Variants in C3orf20 observed in about 807,000 individuals in gnomAD.
C3orf20 encodes uncharacterized protein C3orf20.
In C3orf20, 76 loss-of-function variants were observed where a neutral mutation model predicts 88.3. That is an observed-to-expected ratio of 0.86 (90% CI 0.72 to 1.04). The LOEUF (loss-of-function observed/expected upper bound fraction) is 1.04. C3orf20 is among the 50% of genes least tolerant of loss of function. The pLI is 0.00. For missense variants in C3orf20, 1,056 were observed against 1,123.3 expected (o/e 0.94, Z 0.86); for synonymous variants, 436 against 437.4 (o/e 1.00, Z 0.04).
chr3:14,723,774 T>C (rs985964277), intron 10 of C3orf20, among the ~76,000 whole-genome samples: 2 of 146,810 alleles, frequency 1.4e-5, no homozygotes, highest in African/African-American at 5.0e-5. Context: ...TAAAAGGCCA[T>C]TGGTTTTATT....
At chr3:14,707,272 C>T (rs892986317) in intron 7 of C3orf20, among the ~76,000 whole-genome samples, 5 of 117,204 alleles carry the variant, frequency 4.3e-5, no homozygotes, top group East Asian at 5.1e-4. Flanking sequence ...AAAAAAGATA[C>T]GTCTGCACTG....
At chr3:14,676,122 T>C (rs1190637124) in intron 1 of C3orf20, among the ~76,000 whole-genome samples, 1 of 149,286 alleles carries the variant, frequency 6.7e-6, no homozygotes, top group Non-Finnish European at 1.5e-5. Context: ...CCGCCTTTTT[T>C]TTTTTGGTCA....
rs562473512 is a variant in C3orf20 at position 14,732,639 on chromosome 3, G to T, written c.1940+3951G>T. Among the ~76,000 whole-genome samples, 9 of 152,266 alleles carry T rather than the reference G, an allele frequency of 5.9e-5. No individual in the cohort carries two copies. In the South Asian group the frequency reaches 1.9e-3, roughly 32 times the overall value. On this transcript the variant is annotated intron_variant, in intron 12 of 16. Coordinates refer to ENST00000253697, the MANE Select transcript of C3orf20 (RefSeq NM_032137.5). ...ATTTTTTATTATCACGACTAGGGAG[G>T]GGGTGCTACTGCCATCTCGTGAGTT...
At chr3:14,746,815 G>A (rs2035070425) in intron 12 of C3orf20, among the ~76,000 whole-genome samples, 1 of 152,222 alleles carries the variant, frequency 6.6e-6, no homozygotes, top group South Asian at 2.1e-4. Context: ...AAAATGTTGA[G>A]CTAACATTAT....
At chr3:14,712,014 A>C (rs1473549834) in intron 7 of C3orf20, among the ~76,000 whole-genome samples, 1 of 152,022 alleles carries the variant, frequency 6.6e-6, no homozygotes, top group Non-Finnish European at 1.5e-5. Context: ...GTGTCTCTCA[A>C]AATTTGTAAC....
intron 9 of C3orf20, 95 bp downstream of exon 9, chr3:14,715,504 C>T: frequency 1.4e-6 from 2 of 1,426,190 alleles, no homozygotes; most frequent in Non-Finnish European, 1.9e-6. Context: ...ATTAAAAGCC[C>T]AGGGCTACCC....
At chr3:14,758,178 G>C (rs780682124) in intron 13 of C3orf20, among the ~76,000 whole-genome samples, 1 of 152,192 alleles carries the variant, frequency 6.6e-6, no homozygotes, top group Non-Finnish European at 1.5e-5. Flanking sequence ...CAGTGAGGCC[G>C]TGAGAGGACA....
At chr3:14,684,064 G>A (rs1476000098) in intron 3 of C3orf20, among the ~76,000 whole-genome samples, 178 bp from the exon 4 acceptor site, 3 of 151,996 alleles carry the variant, frequency 2.0e-5, no homozygotes, top group Non-Finnish European at 4.4e-5. Context: ...AGAGCAAAGC[G>A]ACATCTGAAG....
At chr3:14,748,457 T>C (rs903516773) in intron 12 of C3orf20, among the ~76,000 whole-genome samples, 5 of 152,150 alleles carry the variant, frequency 3.3e-5, no homozygotes, top group Admixed American at 1.3e-4. Flanking sequence ...TTATTTACCT[T>C]GACTGACTCC....
chr3:14,682,756 A>C lies in C3orf20; in HGVS notation c.43A>C (p.Thr15Pro). The change falls in exon 3 of 17, where the codon ACA becomes CCA. Residue 15 changes from threonine (T) to proline (P), a missense_variant. By Grantham distance (38) the Thr-to-Pro change is conservative (BLOSUM62 -1). Coordinates refer to ENST00000253697, the MANE Select transcript of C3orf20 (RefSeq NM_032137.5). Reference protein sequence around the residue: ...KSNLELYQQYTAMAPKLLARI... With the variant: ...KSNLELYQQYPAMAPKLLARI... The stretch of plus-strand genomic sequence containing the variant: ...TAACCTAGAATTATATCAGCAATAC[A>C]CAGCCATGGCCCCCAAGCTACTGGC... 6.2e-7 allele frequency: 1 copy of C among 1,614,012 alleles called. No homozygotes were observed. Among genetic ancestry groups the C allele is most frequent in the Non-Finnish European group, 8.5e-7 (1 of 1,179,970 alleles).
chr3:14,715,255 C>T (rs750717347), intron 8 of C3orf20, 34 bp from the exon 9 acceptor site: 33 of 1,600,798 alleles, frequency 2.1e-5, no homozygotes, highest in Middle Eastern at 2.2e-4. Context: ...TTCAGGGGCC[C>T]GGTGGCAGCT....
chr3:14,683,888 A>G (rs941600733), intron 3 of C3orf20, among the ~76,000 whole-genome samples: 8 of 151,460 alleles, frequency 5.3e-5, no homozygotes, highest in Non-Finnish European at 1.0e-4. Context: ...AAAAAAAAAA[A>G]AAAAAAAGAA....
At chr3:14,691,770 G>A (rs190998738) in intron 5 of C3orf20, among the ~76,000 whole-genome samples, 2 of 152,178 alleles carry the variant, frequency 1.3e-5, no homozygotes, top group African/African-American at 2.4e-5. Context: ...CAATTCAATT[G>A]TACTCTTTTA....
chr3:14,761,942 C>T (rs80211993), intron 15 of C3orf20, among the ~76,000 whole-genome samples: 4,093 of 152,230 alleles, frequency 0.027, 192 homozygotes, highest in African/African-American at 0.091. Context: ...GGAATGCTTG[C>T]ACAGTCCCTG....
At chr3:14,684,445 G>A in intron 4 of C3orf20, 63 bp downstream of exon 4, 7 of 1,571,686 alleles carry the variant, frequency 4.5e-6, no homozygotes, top group Non-Finnish European at 6.1e-6. Flanking sequence ...GAATGCAATG[G>A]AAAGGCAAAA....
rs141318556 is a variant in C3orf20 at position 14,702,603 on chromosome 3, G to C, written c.746-527G>C. 1.6e-4 allele frequency among the ~76,000 whole-genome samples: 24 copies of C among 152,104 alleles called. No homozygotes were observed. The East Asian group carries it at 4.6e-3, about 29-fold the overall frequency. On this transcript the variant is annotated intron_variant, in intron 5 of 16. Coordinates refer to ENST00000253697, the MANE Select transcript of C3orf20 (RefSeq NM_032137.5). ...CTACAGGTGCACACCAGCACGCCCAGTTAATTTTTGTATTTTTTGTAGAGA... is the reference window on the plus strand; with the variant it reads ...CTACAGGTGCACACCAGCACGCCCACTTAATTTTTGTATTTTTTGTAGAGA...
intron 10 of C3orf20, chr3:14,722,219 A>G (rs1575125678): frequency 3.1e-6 from 1 of 319,384 alleles, no homozygotes; most frequent in East Asian, 7.5e-5. Context: ...CTGGGCTATT[A>G]TTATACCAGC....
intron 4 of C3orf20, among the ~76,000 whole-genome samples, chr3:14,688,331 ACCAGCC>A: frequency 6.6e-6 from 1 of 151,984 alleles, no homozygotes; most frequent in Admixed American, 6.6e-5. Context: ...GGAGTTCAAG[ACCAGCC>A]TGGCCAACAT....
chr3:14,742,283 G>C (rs1024919578), intron 12 of C3orf20, among the ~76,000 whole-genome samples: 3 of 152,194 alleles, frequency 2.0e-5, no homozygotes, highest in Non-Finnish European at 2.9e-5. Flanking sequence ...AAATAACTGA[G>C]TAACAATGGC....
Sources: allele counts gnomAD v4.1 joint callset (sites outside exome capture counted in the v4.1 genomes callset), GRCh38; gene constraint gnomAD v4.1.1; transcripts MANE v1.5; gene names NCBI Gene and HGNC (gene_info 2026-07-23, HGNC 2026-07-21).